ZFAND4: variants seen among roughly 807,000 people sequenced by gnomAD.
ZFAND4 encodes zinc finger AN1-type containing 4.
A neutral mutation model predicts 64.4 loss-of-function variants in ZFAND4; 43 were observed. That is an observed-to-expected ratio of 0.67 (90% CI 0.52 to 0.86). ZFAND4 has a LOEUF of 0.86. Among genes scored for constraint, ZFAND4 ranks in the 40% least tolerant of loss-of-function variants. ZFAND4 has a pLI of 0.00. For missense variants in ZFAND4, 929 were observed against 859.8 expected, an observed-to-expected ratio of 1.08 and a Z score of -1.01; for synonymous variants, 296 against 305.7, an observed-to-expected ratio of 0.97 and a Z score of 0.33.
intron 5 of ZFAND4, among the ~76,000 whole-genome samples, chr10:45,646,250 G>A (rs904303251): frequency 7.9e-5 from 12 of 152,232 alleles, no homozygotes; most frequent in African/African-American, 2.9e-4. Flanking sequence ...CGTTACATAA[G>A]TACCTATTTA....
chr10:45,620,027 T>A (rs2045298368), intron 8 of ZFAND4, among the ~76,000 whole-genome samples: 1 of 152,242 alleles, frequency 6.6e-6, no homozygotes, highest in Non-Finnish European at 1.5e-5. Context: ...TGAATGTTAA[T>A]CTACTCGAAA....
intron 7 of ZFAND4, among the ~76,000 whole-genome samples, chr10:45,625,615 G>T (rs2133563759): frequency 6.6e-6 from 1 of 151,510 alleles, no homozygotes; most frequent in Non-Finnish European, 1.5e-5. Context: ...GAAAATATGG[G>T]TGTATTGGCA....
At position 45,626,730 on chromosome 10, in the gene ZFAND4, T is replaced by C; in HGVS notation, c.1093A>G (p.Arg365Gly). 6.2e-7 allele frequency: 1 copy of C among 1,614,212 alleles called. No homozygotes were observed. The highest frequency in any genetic ancestry group is 8.5e-7 in the Non-Finnish European group (1 of 1,180,030). ...SVLHLGSSLP[R>G]QTKHFLGNLP... is the part of the protein sequence containing the mutation. Reference sequence around the variant, plus strand: ...TTTCCTAAAAAATGTTTTGTTTGCCTAGGCAGGGATGATCCAAGATGGAGA... The same window carrying C: ...TTTCCTAAAAAATGTTTTGTTTGCCCAGGCAGGGATGATCCAAGATGGAGA... Residue 365 changes from arginine to glycine, a missense_variant, in exon 7 of 10, where the codon AGG becomes GGG. Arg to Gly is a moderately radical substitution (Grantham distance 125). Transcript: ENST00000344646.
intron 6 of ZFAND4, among the ~76,000 whole-genome samples, chr10:45,634,442 T>C (rs1375313846): frequency 6.7e-6 from 1 of 149,778 alleles, no homozygotes; most frequent in Non-Finnish European, 1.5e-5. Flanking sequence ...GGGAGGAGAA[T>C]CGCTTGAACC....
intron 5 of ZFAND4, among the ~76,000 whole-genome samples, chr10:45,640,749 C>T (rs1270766943): frequency 6.6e-6 from 1 of 152,166 alleles, no homozygotes; most frequent in Admixed American, 6.5e-5. Context: ...CTCGGCCTCC[C>T]AAAGTGCTGG....
intron 1 of ZFAND4, among the ~76,000 whole-genome samples, chr10:45,670,225 AT>A (rs202120323): frequency 0.078 from 10,751 of 138,446 alleles, 561 homozygotes; most frequent in African/African-American, 0.17. Flanking sequence ...CAACTATCTG[AT>A]TTTTTTTTTT....
chr10:45,635,217 A>AAAAAAAAAAAAAAAAAAAAAAAAAAG (rs2046502295), intron 6 of ZFAND4, among the ~76,000 whole-genome samples: 1 of 140,636 alleles, frequency 7.1e-6, no homozygotes. Flanking sequence ...AAAAAAACAA[A>AAAAAAAAAAAAAAAAAAAAAAAAAAG]AAAAAAACAA....
chr10:45,639,706 T>G, intron 6 of ZFAND4, 110 bp downstream of exon 6: 1 of 1,351,708 alleles, frequency 7.4e-7, no homozygotes, highest in South Asian at 1.8e-5. Context: ...GCCAGAAACC[T>G]GAAATGAATA....
chr10:45,651,982 A>T lies in ZFAND4; in HGVS notation c.312T>A (p.Pro104=). The T allele has an allele frequency of 6.2e-7, 1 of 1,613,758 alleles. No individual in the cohort carries two copies. The highest frequency in any genetic ancestry group is 1.7e-4 in the Middle Eastern group (1 of 6,060). ...LKLVLAMRGG[P]INTRRVPTDD... The stretch of plus-strand genomic sequence containing the variant: ...TATGCCTACCTCTTCTAGTATTTAT[A>T]GGTCCGCCACGCATAGCCAAAACTA... Residue 104 remains proline (P), a synonymous_variant, in exon 4 of 10, where the codon CCT becomes CCA. Transcript: ENST00000344646.
chr10:45,669,104 C>T (rs1335122541), intron 1 of ZFAND4, among the ~76,000 whole-genome samples: 1 of 152,106 alleles, frequency 6.6e-6, no homozygotes, highest in Non-Finnish European at 1.5e-5. Flanking sequence ...ATCAATGAAT[C>T]TGAGAGCTGG....
chr10:45,661,920 G>A (rs893268354), intron 2 of ZFAND4, among the ~76,000 whole-genome samples: 6 of 150,576 alleles, frequency 4.0e-5, no homozygotes, highest in African/African-American at 1.5e-4. Flanking sequence ...CTGCGCAACA[G>A]GTGCAAAACT....
chr10:45,664,362 G>A (rs1050795580), intron 1 of ZFAND4, among the ~76,000 whole-genome samples: 4 of 150,798 alleles, frequency 2.7e-5, no homozygotes, highest in Admixed American at 1.3e-4. Context: ...TCCGCCTCCC[G>A]GGTTCAAGCA....
Position 45,626,177 on chromosome 10 carries a change from A to G in ZFAND4, c.1646T>C (p.Ile549Thr). ...GGAAGCCTTGTTAGTCATTTCTGTG[A>G]TATCCCGAGCCTCAACTTTGGAAAT... ...DVISKVEARD[I>T]TEMTNKASKE... is the part of the protein sequence containing the mutation. Residue 549 changes from isoleucine (I) to threonine (T), a missense_variant, in exon 7 of 10, where the codon ATC (isoleucine) becomes ACC (threonine). Physicochemically the swap from Ile to Thr is moderately conservative, Grantham distance 89. Coordinates refer to ENST00000344646, the MANE Select transcript of ZFAND4 (RefSeq NM_174890.4). The G allele has an allele frequency of 6.2e-7, 1 of 1,614,180 alleles. No individual in the cohort carries two copies. Among genetic ancestry groups the G allele is most frequent in the Non-Finnish European group, 8.5e-7 (1 of 1,180,042 alleles).
intron 8 of ZFAND4, among the ~76,000 whole-genome samples, chr10:45,620,621 C>G (rs1418944415): frequency 1.3e-5 from 2 of 152,180 alleles, no homozygotes; most frequent in African/African-American, 4.8e-5. Flanking sequence ...AAACTATTAG[C>G]AACTACTGTG....
rs1016364470 is a variant in ZFAND4 at position 45,626,033 on chromosome 10, C to A, written c.1790G>T (p.Gly597Val). ...GAGRLQNSGT[G>V]LSTNLQHFQE... ...AAAATGCTGGAGGTTTGTAGACAGCCCAGTTCCAGAGTTCTGAAGCCTGCC... is the reference window on the plus strand; with the variant it reads ...AAAATGCTGGAGGTTTGTAGACAGCACAGTTCCAGAGTTCTGAAGCCTGCC... The change falls in exon 7 of 10, where the codon GGG (glycine) becomes GTG (valine). Residue 597 changes from glycine (G) to valine (V), a missense_variant. Coordinates refer to ENST00000344646, the MANE Select transcript of ZFAND4 (RefSeq NM_174890.4). 1 of 1,614,106 alleles carries A rather than the reference C, an allele frequency of 6.2e-7. No individual in the cohort carries two copies. Among genetic ancestry groups the A allele is most frequent in the African/African-American group, 1.3e-5 (1 of 75,022 alleles).
chr10:45,630,628 G>A (rs892938079), intron 6 of ZFAND4, among the ~76,000 whole-genome samples: 3 of 152,064 alleles, frequency 2.0e-5, no homozygotes, highest in Non-Finnish European at 4.4e-5. Flanking sequence ...AGGAGGCTGA[G>A]GCAGGAGAAT....
In ZFAND4 at chr10:45,626,446, A is replaced by G; in HGVS notation, c.1377T>C (p.Leu459=). 3 of 1,613,718 alleles carry G rather than the reference A, an allele frequency of 1.9e-6. No homozygotes were observed. Among genetic ancestry groups the G allele is most frequent in the Non-Finnish European group, 1.7e-6 (2 of 1,180,030 alleles). ...LNGESVETSV[L]NYRELSPHKN... is the part of the protein sequence containing the mutation. ...TGTGAGGACTTAATTCCCGGTAGTTAAGAACTGAAGTCTCTACTGATTCCC... is the reference window on the plus strand; with the variant it reads ...TGTGAGGACTTAATTCCCGGTAGTTGAGAACTGAAGTCTCTACTGATTCCC... Residue 459 remains leucine, a synonymous_variant, in exon 7 of 10, where the codon CTT becomes CTC. Coordinates refer to ENST00000344646, the MANE Select transcript of ZFAND4 (RefSeq NM_174890.4).
At chr10:45,617,063 C>T (rs1024603578) in intron 9 of ZFAND4, among the ~76,000 whole-genome samples, 3 of 144,790 alleles carry the variant, frequency 2.1e-5, no homozygotes, top group Non-Finnish European at 4.5e-5. Flanking sequence ...GGTGACAGAG[C>T]GAGACACAAT....
At chr10:45,633,709 T>C (rs1347021987) in intron 6 of ZFAND4, among the ~76,000 whole-genome samples, 2 of 151,862 alleles carry the variant, frequency 1.3e-5, no homozygotes, top group Non-Finnish European at 2.9e-5. Context: ...TTCTGATGTG[T>C]TGCACTGAGA....
Sources: gnomAD v4.1 joint callset for allele counts (sites outside exome capture counted in the v4.1 genomes callset) on GRCh38, gnomAD v4.1.1 for gene constraint, MANE v1.5 for transcripts, NCBI Gene and HGNC (gene_info 2026-07-23, HGNC 2026-07-21) for gene names.